CNTNAP5: variants seen among roughly 807,000 people sequenced by gnomAD.
The protein encoded by CNTNAP5 is contactin-associated protein-like 5.
Under a neutral mutation model 150.2 loss-of-function variants are expected in CNTNAP5, and 72 were observed. The ratio of observed to expected loss-of-function variants is 0.48; its 90% CI spans 0.40 to 0.58. The LOEUF is 0.58. Among genes scored for constraint, CNTNAP5 ranks in the 20% least tolerant of loss-of-function variants. The pLI, the probability that CNTNAP5 is intolerant of heterozygous loss-of-function variation, is 0.00. For missense variants in CNTNAP5, 1,636 were observed against 1,626.2 expected (o/e 1.01, Z -0.10); for synonymous variants, 672 against 619.8 (o/e 1.08, Z -1.25).
intron 1 of CNTNAP5, among the ~76,000 whole-genome samples, chr2:124,047,542 G>A (rs1234039962): frequency 6.6e-6 from 1 of 152,196 alleles, no homozygotes; most frequent in African/African-American, 2.4e-5. Context: ...GAGAGATACT[G>A]GATTCTAACA....
intron 13 of CNTNAP5, among the ~76,000 whole-genome samples, chr2:124,690,120 C>G (rs1196164408): frequency 6.6e-6 from 1 of 151,932 alleles, no homozygotes; most frequent in Non-Finnish European, 1.5e-5. Flanking sequence ...TGAATTCTCA[C>G]TTGGAGTGAA....
intron 7 of CNTNAP5, among the ~76,000 whole-genome samples, chr2:124,489,626 C>T (rs1693971754): frequency 6.6e-6 from 1 of 152,122 alleles, no homozygotes; most frequent in Non-Finnish European, 1.5e-5. Flanking sequence ...AAGACCTCTC[C>T]TCCAACTCCA....
At chr2:124,439,883 A>G (rs1262434374) in intron 5 of CNTNAP5, among the ~76,000 whole-genome samples, 2 of 152,058 alleles carry the variant, frequency 1.3e-5, no homozygotes, top group Non-Finnish European at 2.9e-5. Context: ...CTGTTTTCCA[A>G]TCCATTAAAT....
At chr2:124,507,145 G>A (rs1004650919) in intron 8 of CNTNAP5, among the ~76,000 whole-genome samples, 9 of 152,018 alleles carry the variant, frequency 5.9e-5, no homozygotes, top group South Asian at 2.1e-4. Context: ...AGAAAGAACT[G>A]GCGTTTAGAG....
intron 3 of CNTNAP5, among the ~76,000 whole-genome samples, chr2:124,356,345 T>C (rs1690005021): frequency 6.6e-6 from 1 of 150,950 alleles, no homozygotes; most frequent in African/African-American, 2.4e-5. Context: ...TTAGGGTACA[T>C]GTGCACATTG....
intron 1 of CNTNAP5, among the ~76,000 whole-genome samples, chr2:124,139,467 G>T (rs368455750): frequency 1.3e-5 from 2 of 152,106 alleles, no homozygotes; most frequent in African/African-American, 4.8e-5. Context: ...ACCATGATCT[G>T]CCCTCTCTTG....
intron 19 of CNTNAP5, among the ~76,000 whole-genome samples, chr2:124,822,097 G>T (rs1204792163): frequency 7.2e-6 from 1 of 138,036 alleles, no homozygotes; most frequent in East Asian, 1.9e-4. Context: ...TATTACAACT[G>T]ACTGTCTGCT....
chr2:124,483,476 A>C (rs994969899), intron 7 of CNTNAP5, among the ~76,000 whole-genome samples: 8 of 152,172 alleles, frequency 5.3e-5, no homozygotes, highest in Admixed American at 2.6e-4. Context: ...CAGTGCTGAG[A>C]AAAACTGTAG....
At chr2:124,424,457 T>C (rs993890674) in intron 4 of CNTNAP5, among the ~76,000 whole-genome samples, 6 of 152,216 alleles carry the variant, frequency 3.9e-5, no homozygotes, top group African/African-American at 1.2e-4. Flanking sequence ...TTTTAAGAGT[T>C]GGAAAAATCT....
intron 2 of CNTNAP5, among the ~76,000 whole-genome samples, chr2:124,231,008 C>T (rs1048927820): frequency 6.6e-6 from 1 of 152,134 alleles, no homozygotes; most frequent in Non-Finnish European, 1.5e-5. Context: ...TCACACTCTC[C>T]CTTCCCAGTC....
Position 124,869,821 on chromosome 2 carries a change from A to C in CNTNAP5, c.3436+59A>C, listed in dbSNP as rs1353542361. ...CTTTATTAAAATAAATGAATGCATA[A>C]TTTTCATTAGGGTGTTTAAGGATTC... On this transcript the variant is annotated intron_variant, in intron 21 of 23. Transcript: ENST00000682447. 4.9e-6 allele frequency: 5 copies of C among 1,028,654 alleles called. No homozygotes were observed. The East Asian group carries it at 7.4e-5, about 15-fold the overall frequency. 63.7% of individuals were successfully genotyped at this position (1,028,654 alleles called of 1,614,324 possible). A position where few individuals can be genotyped will look rare whatever the true frequency, so the allele number is the denominator to read the frequency against.
intron 1 of CNTNAP5, among the ~76,000 whole-genome samples, chr2:124,070,431 G>A (rs932876053): frequency 1.1e-4 from 15 of 134,744 alleles, no homozygotes; most frequent in Non-Finnish European, 1.9e-4. Context: ...CAAGACCCAA[G>A]TGATCTGTTG....
At chr2:124,471,213 T>G (rs754008170) in intron 6 of CNTNAP5, among the ~76,000 whole-genome samples, 1 of 152,180 alleles carries the variant, frequency 6.6e-6, no homozygotes, top group Non-Finnish European at 1.5e-5. Flanking sequence ...ACATGGAATG[T>G]TTTTCCATTT....
intron 3 of CNTNAP5, among the ~76,000 whole-genome samples, chr2:124,375,640 T>C (rs1690628526): frequency 6.6e-6 from 1 of 152,092 alleles, no homozygotes; most frequent in Non-Finnish European, 1.5e-5. Context: ...GTTGAGTTAA[T>C]AGTATGACAT....
At chr2:124,229,894 TG>T (rs909139162) in intron 2 of CNTNAP5, among the ~76,000 whole-genome samples, 1 of 145,082 alleles carries the variant, frequency 6.9e-6, no homozygotes, top group African/African-American at 2.5e-5. Flanking sequence ...TTCTATTGCA[TG>T]TTTTTTTTTT....
At chr2:124,358,734 A>G (rs930113283) in intron 3 of CNTNAP5, among the ~76,000 whole-genome samples, 47 of 152,254 alleles carry the variant, frequency 3.1e-4, no homozygotes, top group African/African-American at 1.1e-3. Flanking sequence ...TTTTGCATCA[A>G]TGTTCATCAA....
intron 13 of CNTNAP5, among the ~76,000 whole-genome samples, chr2:124,670,634 GGTGTT>G (rs1678803446): frequency 1.5e-4 from 1 of 6,784 alleles, no homozygotes; most frequent in Non-Finnish European, 3.0e-4. Context: ...CCACCTTAGA[GGTGTT>G]GCACTTGTTG....
At chr2:124,242,430 G>A in intron 3 of CNTNAP5, 37 bp downstream of exon 3, 1 of 1,572,808 alleles carries the variant, frequency 6.4e-7, no homozygotes, top group South Asian at 1.1e-5. Context: ...ATAAAACTGA[G>A]ATGTGCTAAT....
chr2:124,440,020 A>T (rs1174332394), intron 5 of CNTNAP5, among the ~76,000 whole-genome samples: 1 of 152,190 alleles, frequency 6.6e-6, no homozygotes, highest in Non-Finnish European at 1.5e-5. Context: ...CACTAAGAGT[A>T]GTGAAGACAG....
Sources: gnomAD v4.1 joint callset for allele counts (sites outside exome capture counted in the v4.1 genomes callset) on GRCh38, gnomAD v4.1.1 for gene constraint, MANE v1.5 for transcripts, NCBI Gene and HGNC (gene_info 2026-07-23, HGNC 2026-07-21) for gene names.